The following DNALI1 variants were observed in gnomAD, a reference collection of about 807,000 sequenced individuals.
The protein encoded by DNALI1 is dynein axonemal light intermediate chain 1, also known as axonemal dynein light intermediate polypeptide 1.
Under a neutral mutation model 33.9 loss-of-function variants are expected in DNALI1, and 31 were observed. That is an observed-to-expected ratio of 0.91 (90% CI 0.69 to 1.23). The LOEUF is 1.23. DNALI1 is among the 50% of genes most tolerant of loss of function. DNALI1 has a pLI of 0.00. For missense variants in DNALI1, 305 were observed against 323.8 expected, an observed-to-expected ratio of 0.94 and a Z score of 0.44; for synonymous variants, 117 against 129.2, an observed-to-expected ratio of 0.91 and a Z score of 0.64.
intron 2 of DNALI1, among the ~76,000 whole-genome samples, chr1:37,558,521 C>T (rs1341493110): frequency 6.6e-6 from 1 of 152,198 alleles, no homozygotes. Flanking sequence ...CATGATCTGG[C>T]CTACGATGTA....
chr1:37,563,225 A>G (rs1349617247), intron 5 of DNALI1, among the ~76,000 whole-genome samples: 3 of 152,190 alleles, frequency 2.0e-5, no homozygotes, highest in Non-Finnish European at 4.4e-5. Context: ...ATTTGCGATA[A>G]AGAAGGCTTT....
chr1:37,565,321 G>A lies in DNALI1; in HGVS notation c.*260G>A. On this transcript the variant is annotated 3_prime_UTR_variant, in exon 6 of 6. Transcript: ENST00000652629. Reference sequence around the variant, plus strand: ...GGTGTGGCCCTGTTAGTCTCCGTGTGTGGCTTACTAGCCAGCCTTGGGAAC... The same window carrying A: ...GGTGTGGCCCTGTTAGTCTCCGTGTATGGCTTACTAGCCAGCCTTGGGAAC... 1 of 516,388 alleles carries A rather than the reference G, an allele frequency of 1.9e-6. No homozygotes were observed. Among genetic ancestry groups the A allele is most frequent in the East Asian group, 3.3e-5 (1 of 30,064 alleles). The allele number at this position is 516,388 out of a possible 1,614,324, so 32.0% of individuals were successfully genotyped here.
At position 37,559,893 on chromosome 1, in the gene DNALI1, G is replaced by A. The variant is rs953711663; in HGVS notation, c.397+397G>A. Among the ~76,000 whole-genome samples, 13 of 152,214 alleles carry A rather than the reference G, an allele frequency of 8.5e-5. No individual in the cohort carries two copies. The highest frequency in any genetic ancestry group is 2.0e-4 in the Admixed American group (3 of 15,288). On this transcript the variant is annotated intron_variant, in intron 3 of 5. Coordinates refer to ENST00000652629, the MANE Select transcript of DNALI1 (RefSeq NM_003462.5). The surrounding 1 kb of genome is among the most constrained non-coding windows in gnomAD (Gnocchi z 5.3). ...TATCTCAGCAAGAGGAATGTGGCAG[G>A]AGAGCAGGGTGATAGTGGGGAGAAG...
rs573772425 is a variant in DNALI1 at position 37,565,128 on chromosome 1, A to G, written c.*67A>G. The G allele has an allele frequency of 1.2e-4, 185 of 1,575,578 alleles. No homozygotes were observed. In the East Asian group the frequency reaches 3.8e-3, roughly 32 times the overall value. ...TATTTACTGTGTTCCTCTGGCAGCC[A>G]ATAAAATCATCATAAGCCCTTTGTA... On this transcript the variant is annotated 3_prime_UTR_variant, in exon 6 of 6. Coordinates refer to ENST00000652629, the MANE Select transcript of DNALI1 (RefSeq NM_003462.5).
rs369173614 is a variant in DNALI1 at position 37,557,049 on chromosome 1, C to A, written c.55C>A (p.Arg19=). 7 of 1,614,172 alleles carry A rather than the reference C, an allele frequency of 4.3e-6. No individual in the cohort carries two copies. The East Asian group carries it at 8.9e-5, about 21-fold the overall frequency. ...LKYDTPVLVS[R]NTEKRSPKAR... ...GTACGACACCCCAGTGCTGGTGAGCCGGAACACGGAGAAACGGAGCCCCAA... is the reference window on the plus strand; with the variant it reads ...GTACGACACCCCAGTGCTGGTGAGCAGGAACACGGAGAAACGGAGCCCCAA... Residue 19 remains arginine (R), a synonymous_variant, in exon 1 of 6, where the codon CGG becomes AGG. Transcript: ENST00000652629.
chr1:37,565,431 T>C lies in DNALI1; in HGVS notation c.*370T>C, dbSNP rs2148124552. ...ATTTCTGGCCAAATGAATCTGCTTC[T>C]CTGCCCCTCAAACTTTTAGTTCACA... On this transcript the variant is annotated 3_prime_UTR_variant, in exon 6 of 6. Coordinates refer to ENST00000652629, the MANE Select transcript of DNALI1 (RefSeq NM_003462.5). The C allele has an allele frequency of 5.2e-6, 1 of 191,862 alleles. No individual in the cohort carries two copies. The highest frequency in any genetic ancestry group is 2.3e-5 in the African/African-American group (1 of 43,110). 11.9% of individuals were successfully genotyped at this position (191,862 alleles called of 1,614,324 possible).
rs1570039565 is a variant in DNALI1, at chr1:37,561,692, A to G, written c.533A>G (p.Lys178Arg). The G allele has an allele frequency of 1.2e-6, 2 of 1,614,116 alleles. No homozygotes were observed. Residue 178 changes from lysine to arginine, a missense_variant, in exon 4 of 6, where the codon AAG becomes AGG. Coordinates refer to ENST00000652629, the MANE Select transcript of DNALI1 (RefSeq NM_003462.5). This position sits in a 1 kb window ranked among gnomAD's most constrained non-coding sequence, Gnocchi z 4.6. ...YESSVAFGMR[K>R]ALQAEQGKSD... ...AGCAGCGTGGCGTTTGGCATGAGGA[A>G]GGCACTGCAGGCTGAGCAGGGGAAG...
At chr1:37,563,023 G>A (rs1240338874) in intron 5 of DNALI1, among the ~76,000 whole-genome samples, 2 of 152,248 alleles carry the variant, frequency 1.3e-5, no homozygotes, top group Admixed American at 6.5e-5. Flanking sequence ...AAGGTCTCAG[G>A]TGATTCTAAT....
At position 37,566,297 on chromosome 1, in the gene DNALI1, G is replaced by A. The variant is rs1393632263; in HGVS notation, c.*1236G>A. The stretch of plus-strand genomic sequence containing the variant: ...TTTTAAGCCTCCACTCAAATGACCT[G>A]CCTGTGTTGTCATTTCCATGGGAAA... On this transcript the variant is annotated 3_prime_UTR_variant, in exon 6 of 6. Coordinates refer to ENST00000652629, the MANE Select transcript of DNALI1 (RefSeq NM_003462.5). 1 of 152,622 alleles carries A rather than the reference G, an allele frequency of 6.6e-6. No individual in the cohort carries two copies. The highest frequency in any genetic ancestry group is 1.9e-4 in the East Asian group (1 of 5,212). The allele number at this position is 152,622 out of a possible 1,614,324, so 9.5% of individuals were successfully genotyped here.
At chr1:37,560,759 C>T (rs190289094) in intron 3 of DNALI1, 2 of 152,306 alleles carry the variant, frequency 1.3e-5, no homozygotes, top group Admixed American at 6.5e-5. Context: ...TGGAGTAAAA[C>T]GATAACTTCC....
chr1:37,557,524 T>G, intron 1 of DNALI1, 79 bp from the exon 2 acceptor site: 1 of 1,526,220 alleles, frequency 6.6e-7, no homozygotes, highest in Non-Finnish European at 8.8e-7. Context: ...GCAGAAGACC[T>G]GGAGCAATAT....
At position 37,561,697 on chromosome 1, in the gene DNALI1, CT is replaced by C. The variant is rs2148122876; in HGVS notation, c.539del (p.Leu180ArgfsTer28). On this transcript the variant is annotated frameshift_variant, in exon 4 of 6. Transcript: ENST00000652629. LOFTEE classifies it high-confidence loss of function. This position sits in a 1 kb window ranked among gnomAD's most constrained non-coding sequence, Gnocchi z 4.6. ...SSVAFGMRKA[L>X]QAEQGKSDME... Reference sequence around the variant, plus strand: ...CGTGGCGTTTGGCATGAGGAAGGCACTGCAGGCTGAGCAGGGGAAGTCAGAC... The same window carrying C: ...CGTGGCGTTTGGCATGAGGAAGGCACGCAGGCTGAGCAGGGGAAGTCAGAC... 1 of 1,614,152 alleles carries C rather than the reference CT, an allele frequency of 6.2e-7. No individual in the cohort carries two copies. The highest frequency in any genetic ancestry group is 1.1e-5 in the South Asian group (1 of 91,084).
intron 5 of DNALI1, among the ~76,000 whole-genome samples, chr1:37,564,539 C>T (rs940206322): frequency 1.3e-5 from 2 of 152,036 alleles, no homozygotes; most frequent in Admixed American, 6.6e-5. Flanking sequence ...CCTGCCACCA[C>T]GCCCAACTAA....
At position 37,565,140 on chromosome 1, in the gene DNALI1, A is replaced by G. The variant is rs1008094195; in HGVS notation, c.*79A>G. ...TCCTCTGGCAGCCAATAAAATCATC[A>G]TAAGCCCTTTGTAATAAAAAGCTAG... On this transcript the variant is annotated 3_prime_UTR_variant, in exon 6 of 6. Transcript: ENST00000652629. 26 of 1,534,276 alleles carry G rather than the reference A, an allele frequency of 1.7e-5. No individual in the cohort carries two copies. Among genetic ancestry groups the G allele is most frequent in the Admixed American group, 3.4e-5 (2 of 59,456 alleles).
At position 37,559,238 on chromosome 1, in the gene DNALI1, T is replaced by A. The variant is rs1459332300; in HGVS notation, c.228-89T>A. The A allele has an allele frequency of 7.2e-7, 1 of 1,393,144 alleles. No homozygotes were observed. The highest frequency in any genetic ancestry group is 9.6e-7 in the Non-Finnish European group (1 of 1,043,822). 86.3% of individuals were successfully genotyped at this position (1,393,144 alleles called of 1,614,324 possible). On this transcript the variant is annotated intron_variant, in intron 2 of 5. Transcript: ENST00000652629. This position sits in a 1 kb window ranked among gnomAD's most constrained non-coding sequence, Gnocchi z 5.3. ...TGGCAAAGCTGCCCCTCACCACTACTCAGGCAGAGGGCTCAAAGGGCCCTC... is the reference window on the plus strand; with the variant it reads ...TGGCAAAGCTGCCCCTCACCACTACACAGGCAGAGGGCTCAAAGGGCCCTC...
Position 37,556,944 on chromosome 1 carries a change from A to AAAC in DNALI1, c.-50_-49insACA. Reference sequence around the variant, plus strand: ...GGCGGTTTCCATGGTGACGGCAAACAAGGCCCACACTGGACAGGGCAGCTG... The same window carrying AAAC: ...GGCGGTTTCCATGGTGACGGCAAACAAACAGGCCCACACTGGACAGGGCAGCTG... On this transcript the variant is annotated 5_prime_UTR_variant, in exon 1 of 6. Transcript: ENST00000652629. 6.2e-7 allele frequency: 1 copy of AAAC among 1,614,188 alleles called. No homozygotes were observed. The highest frequency in any genetic ancestry group is 8.5e-7 in the Non-Finnish European group (1 of 1,180,030).
chr1:37,564,919 G>A, intron 5 of DNALI1, 107 bp from the exon 6 acceptor site: 1 of 1,172,520 alleles, frequency 8.5e-7, no homozygotes, highest in Non-Finnish European at 1.3e-6. Flanking sequence ...AAGAACCCTT[G>A]GAGTGACAGC....
chr1:37,561,934 CT>C lies in DNALI1; in HGVS notation c.577-146del. On this transcript the variant is annotated intron_variant, in intron 4 of 5. Transcript: ENST00000652629. The surrounding 1 kb of genome is among the most constrained non-coding windows in gnomAD (Gnocchi z 4.6). ...GGTGGTCTTGGCAGAGTTGTTTCCG[CT>C]GTAGACGCTCCATGCCAGGCACTGA... is the stretch of plus-strand genomic sequence containing the variant. The C allele has an allele frequency of 7.1e-7, 1 of 1,408,074 alleles. No individual in the cohort carries two copies. Among genetic ancestry groups the C allele is most frequent in the Non-Finnish European group, 9.7e-7 (1 of 1,033,940 alleles). 87.2% of individuals were successfully genotyped at this position (1,408,074 alleles called of 1,614,324 possible). A position where few individuals can be genotyped will look rare whatever the true frequency, so the allele number is the denominator to read the frequency against.
rs760090156 is a variant in DNALI1, at chr1:37,561,762, G to A, written c.576+27G>A. The A allele has an allele frequency of 1.9e-6, 3 of 1,604,226 alleles. No individual in the cohort carries two copies. The South Asian group carries it at 3.3e-5, about 18-fold the overall frequency. On this transcript the variant is annotated intron_variant, in intron 4 of 5. Transcript: ENST00000652629. The surrounding 1 kb of genome is among the most constrained non-coding windows in gnomAD (Gnocchi z 4.6). The stretch of plus-strand genomic sequence containing the variant: ...TGAGTGGGGTTTACCGTGACCCTTG[G>A]TCCCATCTCTTCTGTAAACCTCAGG...
Sources: allele counts gnomAD v4.1 joint callset (sites outside exome capture counted in the v4.1 genomes callset), GRCh38; gene constraint gnomAD v4.1.1; non-coding constraint Gnocchi (gnomAD v3.1); transcripts MANE v1.5; gene names NCBI Gene and HGNC (gene_info 2026-07-23, HGNC 2026-07-21).